The following ELP3 variants were observed in gnomAD, a reference collection of about 807,000 sequenced individuals.
The protein encoded by ELP3 is elongator complex protein 3.
A neutral mutation model predicts 74.9 loss-of-function variants in ELP3; 56 were observed. That is an observed-to-expected ratio of 0.75 (90% CI 0.60 to 0.93). The LOEUF is 0.93. Among genes scored for constraint, ELP3 ranks in the 40% least tolerant of loss-of-function variants. ELP3 has a pLI of 0.00. For missense variants in ELP3, 573 were observed against 686.5 expected (o/e 0.83, Z 1.85); for synonymous variants, 222 against 239.8 (o/e 0.93, Z 0.68).
At position 28,129,542 on chromosome 8, in the gene ELP3, A is replaced by T; in HGVS notation, c.658A>T (p.Ile220Phe). Residue 220 changes from isoleucine (I) to phenylalanine (F), a missense_variant, in exon 8 of 15, where the codon ATT becomes TTT. Coordinates refer to ENST00000256398, the MANE Select transcript of ELP3 (RefSeq NM_018091.6). ...CCTCACAAAGTGTATTGGAATTACTATTGAAACCAGACCAGATTACTGCAT... is the reference window on the plus strand; with the variant it reads ...CCTCACAAAGTGTATTGGAATTACTTTTGAAACCAGACCAGATTACTGCAT... ...RSLTKCIGIT[I>F]ETRPDYCMKR... The T allele has an allele frequency of 1.2e-6, 2 of 1,614,220 alleles. No homozygotes were observed. The highest frequency in any genetic ancestry group is 2.2e-5 in the South Asian group (2 of 91,088).
At position 28,189,822 on chromosome 8, in the gene ELP3, A is replaced by G; in HGVS notation, c.*97A>G. The G allele has an allele frequency of 5.3e-6, 7 of 1,315,420 alleles. No homozygotes were observed. The highest frequency in any genetic ancestry group is 7.6e-6 in the Non-Finnish European group (7 of 922,744). 81.5% of individuals were successfully genotyped at this position (1,315,420 alleles called of 1,614,324 possible). ...TCAACAGAGAGGCTGAGCAGAGCAA[A>G]TGGGGGGCTTCACCCTCATCCCGCA... On this transcript the variant is annotated 3_prime_UTR_variant, in exon 15 of 15. Transcript: ENST00000256398.
chr8:28,110,309 C>A, intron 5 of ELP3, 61 bp from the exon 6 acceptor site: 2 of 1,431,516 alleles, frequency 1.4e-6, no homozygotes, highest in Non-Finnish European at 1.9e-6. Flanking sequence ...AAATACAGTC[C>A]TTTTGAAACT....
intron 10 of ELP3, among the ~76,000 whole-genome samples, chr8:28,142,229 T>G (rs1360226637): frequency 6.6e-6 from 1 of 152,164 alleles, no homozygotes; most frequent in Admixed American, 6.5e-5. Flanking sequence ...AAAGGTCATA[T>G]GATAAGAAAG....
intron 1 of ELP3, 131 bp downstream of exon 1, chr8:28,093,364 A>G: frequency 7.8e-7 from 1 of 1,286,030 alleles, no homozygotes; most frequent in Admixed American, 2.2e-5. Flanking sequence ...ACCTAGGGTC[A>G]GTGTGTCCAT....
chr8:28,112,747 G>A (rs983048209), intron 6 of ELP3: 11 of 248,198 alleles, frequency 4.4e-5, no homozygotes, highest in South Asian at 2.9e-4. Flanking sequence ...TATATTCTTC[G>A]TGTTTTTAAA....
At chr8:28,180,469 C>G (rs1035708420) in intron 14 of ELP3, among the ~76,000 whole-genome samples, 1 of 152,102 alleles carries the variant, frequency 6.6e-6, no homozygotes, top group Non-Finnish European at 1.5e-5. Context: ...TCTGTAATGT[C>G]ATCTTTTAAT....
At chr8:28,094,812 T>A (rs1352677835) in intron 1 of ELP3, among the ~76,000 whole-genome samples, 1 of 152,246 alleles carries the variant, frequency 6.6e-6, no homozygotes, top group Non-Finnish European at 1.5e-5. Context: ...GCATTGGGAC[T>A]GGATCCTGTC....
At chr8:28,160,886 G>T (rs1814057973) in intron 13 of ELP3, among the ~76,000 whole-genome samples, 1 of 152,064 alleles carries the variant, frequency 6.6e-6, no homozygotes, top group South Asian at 2.1e-4. Context: ...GTAGAGATGG[G>T]GTTTCACCAT....
intron 6 of ELP3, among the ~76,000 whole-genome samples, chr8:28,111,407 A>G (rs1420218948): frequency 2.0e-5 from 3 of 152,216 alleles, no homozygotes; most frequent in South Asian, 2.1e-4. Context: ...AGCACTGTCC[A>G]TAGTTGTAAT....
At chr8:28,180,350 C>G (rs144832556) in intron 14 of ELP3, among the ~76,000 whole-genome samples, 1 of 152,334 alleles carries the variant, frequency 6.6e-6, no homozygotes, top group Non-Finnish European at 1.5e-5. Context: ...TTTCTTCTGA[C>G]TTAATCTTTC....
intron 13 of ELP3, among the ~76,000 whole-genome samples, chr8:28,161,610 GA>G (rs1163846087): frequency 0.076 from 4,596 of 60,592 alleles, 240 homozygotes; most frequent in African/African-American, 0.23. Flanking sequence ...CGTCTCAAGA[GA>G]AAAAAAAAAA....
Position 28,093,173 on chromosome 8 carries a change from C to G in ELP3, c.-42C>G, listed in dbSNP as rs1372981866. On this transcript the variant is annotated 5_prime_UTR_variant, in exon 1 of 15. Transcript: ENST00000256398. The stretch of plus-strand genomic sequence containing the variant: ...CTTTCCCCGTGGTCTGAGTTTGTGG[C>G]TGCATTTTTATCTCTGGTGGCTCTG... 1.1e-5 allele frequency: 18 copies of G among 1,609,604 alleles called. No homozygotes were observed. The highest frequency in any genetic ancestry group is 1.4e-5 in the Non-Finnish European group (17 of 1,178,938).
chr8:28,106,471 C>T (rs374904651), intron 3 of ELP3, among the ~76,000 whole-genome samples: 5 of 143,176 alleles, frequency 3.5e-5, no homozygotes, highest in African/African-American at 5.1e-5. Flanking sequence ...ACCCGGGAGG[C>T]GGAGCTTGCA....
intron 2 of ELP3, among the ~76,000 whole-genome samples, chr8:28,098,636 C>T (rs1811350731): frequency 6.6e-6 from 1 of 152,202 alleles, no homozygotes; most frequent in Non-Finnish European, 1.5e-5. Context: ...ATGTCACCAG[C>T]CTATTACTGG....
chr8:28,167,272 C>T (rs150637520), intron 14 of ELP3, among the ~76,000 whole-genome samples: 2 of 152,152 alleles, frequency 1.3e-5, no homozygotes, highest in African/African-American at 4.8e-5. Flanking sequence ...GTACCTGCGC[C>T]TTATACAATC....
chr8:28,161,312 G>A lies in ELP3; in HGVS notation c.1486-685G>A, dbSNP rs184152592. ...GAGGTGGCCGGGAGTGGTGGCTCAC[G>A]CCTGTAATTCCAGCCCTTTGGGAGG... On this transcript the variant is annotated intron_variant, in intron 13 of 14. Transcript: ENST00000256398. Among the ~76,000 whole-genome samples the A allele has an allele frequency of 1.0e-3, 155 of 152,142 alleles. 1 individual carries two copies. The highest frequency in any genetic ancestry group is 3.2e-3 in the African/African-American group (132 of 41,502).
chr8:28,112,934 A>G (rs1350095419), intron 6 of ELP3, 85 bp from the exon 7 acceptor site: 1 of 1,296,960 alleles, frequency 7.7e-7, no homozygotes, highest in Non-Finnish European at 1.1e-6. Flanking sequence ...TGATGAAAAC[A>G]CTGCAAAATA....
chr8:28,091,418 AGAG>A (rs772457341), upstream of ELP3, among the ~76,000 whole-genome samples: 14 of 152,310 alleles, frequency 9.2e-5, no homozygotes, highest in South Asian at 4.1e-4. Context: ...TTCGGTTTAC[AGAG>A]GAGAACTTAT....
At chr8:28,139,251 A>G (rs1813123235) in intron 10 of ELP3, among the ~76,000 whole-genome samples, 1 of 152,184 alleles carries the variant, frequency 6.6e-6, no homozygotes, top group Non-Finnish European at 1.5e-5. Context: ...AGTTACTTAC[A>G]GGGAGTTGAT....
Sources: gnomAD v4.1 joint callset for allele counts (sites outside exome capture counted in the v4.1 genomes callset) on GRCh38, gnomAD v4.1.1 for gene constraint, MANE v1.5 for transcripts, NCBI Gene and HGNC (gene_info 2026-07-23, HGNC 2026-07-21) for gene names.